Variants in VAV2 observed in about 807,000 individuals in gnomAD.
VAV2 encodes guanine nucleotide exchange factor VAV2.
In VAV2, 67 loss-of-function variants were observed where a neutral mutation model predicts 132.5. The observed-to-expected ratio is 0.51, with a 90% CI of 0.42 to 0.62. VAV2 has a LOEUF of 0.62. Ranked by LOEUF, VAV2 falls within the 20% of genes least tolerant of loss-of-function variation. The pLI is 0.00. For synonymous variants in VAV2, 492 were observed against 443.5 expected, an observed-to-expected ratio of 1.11 and a Z score of -1.37; for missense variants, 938 against 1,153.6, an observed-to-expected ratio of 0.81 and a Z score of 2.71.
At chr9:133,872,073 C>T (rs1282096009) in intron 2 of VAV2, among the ~76,000 whole-genome samples, 1 of 152,208 alleles carries the variant, frequency 6.6e-6, no homozygotes, top group African/African-American at 2.4e-5. Context: ...AGAGGGCAGA[C>T]CTGAAAATCC....
At position 133,795,651 on chromosome 9, in the gene VAV2, T is replaced by G. The variant is rs1203283376; in HGVS notation, c.1101+17A>C. On this transcript the variant is annotated intron_variant, in intron 12 of 29. Transcript: ENST00000371850. ...GCCAGACGGTGGCTTCTCCCCTGCCTCAGTTTACCCACACACCTGCATGGC... is the reference window on the plus strand; with the variant it reads ...GCCAGACGGTGGCTTCTCCCCTGCCGCAGTTTACCCACACACCTGCATGGC... 2 of 1,613,680 alleles carry G rather than the reference T, an allele frequency of 1.2e-6. No homozygotes were observed. The highest frequency in any genetic ancestry group is 8.5e-7 in the Non-Finnish European group (1 of 1,179,718).
intron 2 of VAV2, among the ~76,000 whole-genome samples, chr9:133,869,005 T>G (rs1162872431): frequency 6.6e-6 from 1 of 151,782 alleles, no homozygotes; most frequent in Non-Finnish European, 1.5e-5. Context: ...ATTCTTTTTT[T>G]TTTTTTTTGA....
At position 133,857,616 on chromosome 9, in the gene VAV2, A is replaced by C. The variant is rs1837434452; in HGVS notation, c.380+3758T>G. Among the ~76,000 whole-genome samples, 1 of 152,202 alleles carries C rather than the reference A, an allele frequency of 6.6e-6. No individual in the cohort carries two copies. Among genetic ancestry groups the C allele is most frequent in the South Asian group, 2.1e-4 (1 of 4,822 alleles). On this transcript the variant is annotated intron_variant, in intron 3 of 29. Transcript: ENST00000371850. This position sits in a 1 kb window ranked among gnomAD's most constrained non-coding sequence, Gnocchi z 4.0. ...AATCACTAACACTACAAAACGCTCG[A>C]AATGAAATAGTGTCTTGTGAAGTGC...
rs80092372 is a variant in VAV2 at position 133,783,552 on chromosome 9, G to A, written c.1674C>T (p.Gly558=). Residue 558 remains glycine (G), a synonymous_variant, in exon 19 of 30, where the codon GGC becomes GGT. Coordinates refer to ENST00000371850, the MANE Select transcript of VAV2 (RefSeq NM_001134398.2). ...FYQGYMCTKC[G]VGAHKECLEV... Reference sequence around the variant, plus strand: ...CCAGGCACTCCTTGTGTGCCCCGACGCCACACTTGGTACACATGTATCCCT... The same window carrying A: ...CCAGGCACTCCTTGTGTGCCCCGACACCACACTTGGTACACATGTATCCCT... 943 of 1,613,940 alleles carry A rather than the reference G, an allele frequency of 5.8e-4. 13 individuals carry two copies. The African/African-American group carries it at 0.011, about 18-fold the overall frequency.
intron 2 of VAV2, among the ~76,000 whole-genome samples, chr9:133,900,519 C>T (rs975380334): frequency 3.5e-5 from 5 of 144,608 alleles, no homozygotes; most frequent in African/African-American, 9.9e-5. Flanking sequence ...CCCTGACCTA[C>T]CTTGTTTGAC....
intron 1 of VAV2, among the ~76,000 whole-genome samples, chr9:133,960,131 A>G (rs1217221044): frequency 6.6e-6 from 1 of 152,122 alleles, no homozygotes; most frequent in African/African-American, 2.4e-5. Context: ...TCCACTCTCT[A>G]TCAGGAGAAA....
Position 133,834,374 on chromosome 9 carries a change from G to T in VAV2, c.381-34C>A. On this transcript the variant is annotated intron_variant, in intron 3 of 29. Coordinates refer to ENST00000371850, the MANE Select transcript of VAV2 (RefSeq NM_001134398.2). This position sits in a 1 kb window ranked among gnomAD's most constrained non-coding sequence, Gnocchi z 5.9. ...GAGAAGGCGAGAGGGAGGTGAGCAG[G>T]TCCCGGCACTGCCGGCCAGTGGGAC... 2 of 1,603,006 alleles carry T rather than the reference G, an allele frequency of 1.2e-6. No individual in the cohort carries two copies. Among genetic ancestry groups the T allele is most frequent in the Non-Finnish European group, 1.7e-6 (2 of 1,174,312 alleles).
At chr9:133,921,191 G>C (rs1250400213) in intron 2 of VAV2, among the ~76,000 whole-genome samples, 1 of 152,204 alleles carries the variant, frequency 6.6e-6, no homozygotes, top group Non-Finnish European at 1.5e-5. Flanking sequence ...AGACACCAGA[G>C]AGTCCCCACC....
intron 1 of VAV2, among the ~76,000 whole-genome samples, chr9:133,979,546 G>A (rs554296473): frequency 1.2e-3 from 176 of 152,322 alleles, no homozygotes; most frequent in Middle Eastern, 0.01. Context: ...TGACAGGGAG[G>A]GAGGACAAGC....
chr9:133,927,921 T>A (rs1472648204), intron 2 of VAV2: 1 of 152,082 alleles, frequency 6.6e-6, no homozygotes, highest in African/African-American at 2.4e-5. Context: ...CAAAGACCCA[T>A]AGGCTTCCTG....
chr9:133,827,270 G>A lies in VAV2; in HGVS notation c.449+7002C>T, dbSNP rs1440941754. 9.0e-5 allele frequency among the ~76,000 whole-genome samples: 2 copies of A among 22,240 alleles called. 1 individual carries two copies. The allele number at this position is 22,240 out of a possible 152,430, so 14.6% of individuals were successfully genotyped here. On this transcript the variant is annotated intron_variant, in intron 4 of 29. Transcript: ENST00000371850. ...CTGAGCGGGGGCATCACCACCTACC[G>A]CTGCGCCCACTGAGGCTGACCACTG...
intron 3 of VAV2, among the ~76,000 whole-genome samples, chr9:133,845,325 A>G (rs1836890418): frequency 6.6e-6 from 1 of 152,188 alleles, no homozygotes; most frequent in African/African-American, 2.4e-5. Context: ...CAAGGCAACA[A>G]GTTTAAAATG....
At chr9:133,849,082 C>G (rs951211192) in intron 3 of VAV2, among the ~76,000 whole-genome samples, 2 of 152,198 alleles carry the variant, frequency 1.3e-5, no homozygotes, top group South Asian at 2.1e-4. Context: ...GAAGAGGCGG[C>G]CTTGGTTTGT....
chr9:133,916,800 G>T (rs1217278399), intron 2 of VAV2, among the ~76,000 whole-genome samples: 2 of 33,134 alleles, frequency 6.0e-5, no homozygotes, highest in Non-Finnish European at 2.9e-4. Context: ...TGCAGATGTT[G>T]GGACTGTTTA....
intron 2 of VAV2, among the ~76,000 whole-genome samples, chr9:133,900,031 AAT>A (rs1177275201): frequency 6.7e-6 from 1 of 149,908 alleles, no homozygotes. Flanking sequence ...AAAAAAAATA[AAT>A]AAATAAATAA....
Position 133,768,519 on chromosome 9 carries a change from G to T in VAV2, c.2512C>A (p.Arg838=), listed in dbSNP as rs756471330. The T allele has an allele frequency of 6.2e-7, 1 of 1,613,920 alleles. No homozygotes were observed. Among genetic ancestry groups the T allele is most frequent in the Non-Finnish European group, 8.5e-7 (1 of 1,179,994 alleles). ...TAGATCCTCACCACGTCACCCTCCC[G>T]CAGCGAAAGCTCCCTCATATCTCGG... The part of the protein sequence containing the change: ...AARDMRELSL[R]EGDVVRIYSR... Residue 838 remains arginine (R), a synonymous_variant, in exon 29 of 30, where the codon CGG becomes AGG. Transcript: ENST00000371850. This position sits in a 1 kb window ranked among gnomAD's most constrained non-coding sequence, Gnocchi z 5.3.
rs1838581951 is a variant in VAV2 at position 133,883,520 on chromosome 9, A to G, written c.322-22088T>C. 6.6e-6 allele frequency among the ~76,000 whole-genome samples: 1 copy of G among 152,134 alleles called. No homozygotes were observed. Among genetic ancestry groups the G allele is most frequent in the African/African-American group, 2.4e-5 (1 of 41,432 alleles). On this transcript the variant is annotated intron_variant, in intron 2 of 29. Coordinates refer to ENST00000371850, the MANE Select transcript of VAV2 (RefSeq NM_001134398.2). The surrounding 1 kb of genome is among the most constrained non-coding windows in gnomAD (Gnocchi z 4.2). Reference sequence around the variant, plus strand: ...GGGATAGAACAACCACTCACCCTGCAGACTCCCAAGTCATCCCCAGCCACG... The same window carrying G: ...GGGATAGAACAACCACTCACCCTGCGGACTCCCAAGTCATCCCCAGCCACG...
At position 133,836,314 on chromosome 9, in the gene VAV2, G is replaced by A. The variant is rs565306776; in HGVS notation, c.381-1974C>T. On this transcript the variant is annotated intron_variant, in intron 3 of 29. Coordinates refer to ENST00000371850, the MANE Select transcript of VAV2 (RefSeq NM_001134398.2). The stretch of plus-strand genomic sequence containing the variant: ...TGTGACTTCAGGACCCAGAGATGGA[G>A]GCTTGAAACCCCGCTGCCAGGACCA... Among the ~76,000 whole-genome samples the A allele has an allele frequency of 1.4e-4, 21 of 152,300 alleles. No homozygotes were observed. The South Asian group carries it at 3.9e-3, about 29-fold the overall frequency.
chr9:133,844,879 G>GC (rs1276200726), intron 3 of VAV2, among the ~76,000 whole-genome samples: 1 of 152,248 alleles, frequency 6.6e-6, no homozygotes, highest in Non-Finnish European at 1.5e-5. Flanking sequence ...CACTCTCTGT[G>GC]CCCGACGGTG....
Sources: allele counts gnomAD v4.1 joint callset (sites outside exome capture counted in the v4.1 genomes callset), GRCh38; gene constraint gnomAD v4.1.1; non-coding constraint Gnocchi (gnomAD v3.1); transcripts MANE v1.5; gene names NCBI Gene and HGNC (gene_info 2026-07-23, HGNC 2026-07-21).